The following PROX1 variants were observed in gnomAD, a reference collection of about 807,000 sequenced individuals.
PROX1 encodes prospero homeobox protein 1.
Under a neutral mutation model 58.8 loss-of-function variants are expected in PROX1, and 7 were observed. That is an observed-to-expected ratio of 0.12 (90% CI 0.07 to 0.22). The LOEUF (loss-of-function observed/expected upper bound fraction) is 0.22, where lower values mean the gene tolerates loss of function less well. Ranked by LOEUF, PROX1 falls within the 10% of genes least tolerant of loss-of-function variation. The pLI, the probability that PROX1 is intolerant of heterozygous loss-of-function variation, is 1.00. For missense variants in PROX1, 675 were observed against 927.8 expected (o/e 0.73, Z 3.54); for synonymous variants, 350 against 358.3 (o/e 0.98, Z 0.26).
chr1:213,988,978 C>T (rs906995399), intron 1 of PROX1, among the ~76,000 whole-genome samples: 3 of 151,604 alleles, frequency 2.0e-5, no homozygotes, highest in African/African-American at 7.3e-5. Flanking sequence ...CAAACCCCAT[C>T]CTTCCGATCT....
intron 1 of PROX1, among the ~76,000 whole-genome samples, chr1:213,995,317 A>G (rs907281034): frequency 1.3e-5 from 2 of 152,252 alleles, no homozygotes; most frequent in African/African-American, 2.4e-5. Context: ...AGTGCCTTTT[A>G]TGAAATTCAA....
At chr1:214,001,014 G>A (rs1663490641) in intron 2 of PROX1, among the ~76,000 whole-genome samples, 1 of 152,000 alleles carries the variant, frequency 6.6e-6, no homozygotes, top group African/African-American at 2.4e-5. Flanking sequence ...AACTGTGATT[G>A]CTATTATTAT....
chr1:213,998,717 A>G (rs1002201345), intron 2 of PROX1, among the ~76,000 whole-genome samples: 1 of 152,200 alleles, frequency 6.6e-6, no homozygotes, highest in Non-Finnish European at 1.5e-5. Flanking sequence ...AAGATCCCAT[A>G]AGAAGAATTC....
At position 214,037,107 on chromosome 1, in the gene PROX1, A is replaced by G. The variant is rs1254570017; in HGVS notation, c.*1273A>G. 1.3e-5 allele frequency: 2 copies of G among 152,234 alleles called. No individual in the cohort carries two copies. Among genetic ancestry groups the G allele is most frequent in the Non-Finnish European group, 2.9e-5 (2 of 68,044 alleles). 9.4% of individuals were successfully genotyped at this position (152,234 alleles called of 1,614,324 possible). A position where few individuals can be genotyped will look rare whatever the true frequency, so the allele number is the denominator to read the frequency against. On this transcript the variant is annotated 3_prime_UTR_variant, in exon 5 of 5. Transcript: ENST00000366958. ...CAATTCCAGCACACATAAGAAAGCT[A>G]GCTGCTATTTTATGCTTTCTTCCAT...
chr1:214,007,310 A>G (rs2102721191), intron 3 of PROX1, among the ~76,000 whole-genome samples: 1 of 152,312 alleles, frequency 6.6e-6, no homozygotes, highest in South Asian at 2.1e-4. Flanking sequence ...ACTGGAAGAG[A>G]AGGCTGTTAA....
chr1:214,010,494 T>G (rs1211470757), intron 3 of PROX1, among the ~76,000 whole-genome samples: 1 of 152,156 alleles, frequency 6.6e-6, no homozygotes, highest in Non-Finnish European at 1.5e-5. Flanking sequence ...AATGTACATC[T>G]TTTTCTGGGG....
upstream of PROX1, chr1:213,985,414 G>A (rs1662799927): frequency 6.6e-6 from 1 of 152,354 alleles, no homozygotes; most frequent in Admixed American, 6.5e-5. Flanking sequence ...ACAGGACACG[G>A]GACAGGGCTG....
Position 214,011,568 on chromosome 1 carries a change from C to A in PROX1, c.1881C>A (p.Phe627Leu). 1 of 1,613,996 alleles carries A rather than the reference C, an allele frequency of 6.2e-7. No homozygotes were observed. The highest frequency in any genetic ancestry group is 8.5e-7 in the Non-Finnish European group (1 of 1,179,910). Residue 627 changes from phenylalanine (F) to leucine (L), a missense_variant, in exon 4 of 5, where the codon TTC becomes TTA. This residue lies in a region of PROX1 where 4 missense variants were observed against 32.4 expected (regional missense o/e 0.12). Transcript: ENST00000366958. ...AGCTCATCAAGTGGTTTAGCAATTT[C>A]CGTGAGTTTTACTACATTCAGATGG... The part of the protein sequence containing the change: ...TSQLIKWFSN[F>L]REFYYIQMEK...
At chr1:214,013,999 C>T (rs926251262) in intron 4 of PROX1, among the ~76,000 whole-genome samples, 1 of 152,178 alleles carries the variant, frequency 6.6e-6, no homozygotes, top group Non-Finnish European at 1.5e-5. Context: ...GCGTACCGAC[C>T]ACCACACATA....
upstream of PROX1, chr1:213,984,504 A>G (rs1412312473): frequency 6.6e-6 from 1 of 152,318 alleles, no homozygotes; most frequent in Non-Finnish European, 1.5e-5. Context: ...TGGGGTTCCC[A>G]GGAGAGAAAA....
At chr1:213,989,133 G>T (rs1045841320) in intron 1 of PROX1, among the ~76,000 whole-genome samples, 3 of 152,074 alleles carry the variant, frequency 2.0e-5, no homozygotes, top group African/African-American at 7.2e-5. Context: ...AGAGGACCGG[G>T]AACTGGGAGG....
chr1:213,991,057 CA>C (rs1663017388), intron 1 of PROX1, among the ~76,000 whole-genome samples: 1 of 152,012 alleles, frequency 6.6e-6, no homozygotes, highest in South Asian at 2.1e-4. Flanking sequence ...TGAGTATTTC[CA>C]AAATGAAATT....
intron 4 of PROX1, among the ~76,000 whole-genome samples, chr1:214,023,592 C>A (rs1473537857): frequency 6.6e-6 from 1 of 152,164 alleles, no homozygotes; most frequent in Non-Finnish European, 1.5e-5. Context: ...GCAAAAGCAA[C>A]ACCACCCTTT....
chr1:214,001,202 A>C (rs183080661), intron 2 of PROX1, among the ~76,000 whole-genome samples: 2 of 152,186 alleles, frequency 1.3e-5, no homozygotes, highest in African/African-American at 4.8e-5. Flanking sequence ...CATTAAACAT[A>C]TATGTTCTGT....
intron 4 of PROX1, among the ~76,000 whole-genome samples, chr1:214,018,680 G>T (rs1477447290): frequency 6.6e-6 from 1 of 152,180 alleles, no homozygotes; most frequent in African/African-American, 2.4e-5. Flanking sequence ...TAACTACATT[G>T]TAGTGTTCAT....
chr1:213,989,142 G>A (rs1307408646), intron 1 of PROX1, among the ~76,000 whole-genome samples: 1 of 152,110 alleles, frequency 6.6e-6, no homozygotes. Flanking sequence ...GGAACTGGGA[G>A]GAGGAGAGAG....
chr1:214,013,567 G>T (rs955663144), intron 4 of PROX1, among the ~76,000 whole-genome samples: 1 of 4,034 alleles, frequency 2.5e-4, no homozygotes. Flanking sequence ...AAGTGCGCAC[G>T]AGGGTTTTCG....
rs1387359540 is a variant in PROX1, at chr1:214,036,269, A to G, written c.*435A>G. ...TGTGTCTCTTGTTTCTACTGCTAAG[A>G]AGGTCTGAAAATTTAATGAAACCAC... On this transcript the variant is annotated 3_prime_UTR_variant, in exon 5 of 5. Transcript: ENST00000366958. 1 of 152,852 alleles carries G rather than the reference A, an allele frequency of 6.5e-6. No individual in the cohort carries two copies. Among genetic ancestry groups the G allele is most frequent in the African/African-American group, 2.4e-5 (1 of 41,474 alleles). The allele number at this position is 152,852 out of a possible 1,614,324, so 9.5% of individuals were successfully genotyped here.
chr1:214,034,315 C>T (rs1322334053), intron 4 of PROX1, among the ~76,000 whole-genome samples: 1 of 152,172 alleles, frequency 6.6e-6, no homozygotes, highest in African/African-American at 2.4e-5. Flanking sequence ...ACACTACTTC[C>T]TTTTTACTTT....
Sources: gnomAD v4.1 joint callset for allele counts (sites outside exome capture counted in the v4.1 genomes callset) on GRCh38, gnomAD v4.1.1 for gene constraint, gnomAD v4.1.1 regional missense constraint, MANE v1.5 for transcripts, NCBI Gene and HGNC (gene_info 2026-07-23, HGNC 2026-07-21) for gene names.